Variants in PDCD2L observed in about 807,000 individuals in gnomAD.
PDCD2L encodes programmed cell death 2 like.
A neutral mutation model predicts 40.4 loss-of-function variants in PDCD2L; 44 were observed. That is an observed-to-expected ratio of 1.09 (90% CI 0.86 to 1.40). The LOEUF (loss-of-function observed/expected upper bound fraction) is 1.40. Among genes scored for constraint, PDCD2L ranks in the 40% most tolerant of loss-of-function variants. The pLI is 0.00. For missense variants in PDCD2L, 470 were observed against 453.7 expected (o/e 1.04, Z -0.33); for synonymous variants, 194 against 174.6 (o/e 1.11, Z -0.88).
intron 4 of PDCD2L, among the ~76,000 whole-genome samples, chr19:34,409,785 T>A (rs1386706515): frequency 2.0e-5 from 3 of 152,232 alleles, no homozygotes; most frequent in Admixed American, 2.0e-4. Flanking sequence ...TTTTCTTTTA[T>A]ATTTCTAATA....
chr19:34,413,958 A>C, intron 5 of PDCD2L, 111 bp downstream of exon 5: 1 of 659,164 alleles, frequency 1.5e-6, no homozygotes, highest in Non-Finnish European at 2.6e-6. Flanking sequence ...GTATTCCCCA[A>C]ACCAAGAGAG....
chr19:34,411,106 T>A (rs1054739097), intron 4 of PDCD2L, among the ~76,000 whole-genome samples: 3 of 151,088 alleles, frequency 2.0e-5, no homozygotes, highest in Non-Finnish European at 4.4e-5. Flanking sequence ...TTTAATTTCT[T>A]AAGTTTTTAT....
At chr19:34,414,566 T>G (rs1453043258) in intron 5 of PDCD2L, among the ~76,000 whole-genome samples, 2 of 137,332 alleles carry the variant, frequency 1.5e-5, no homozygotes, top group Non-Finnish European at 3.1e-5. Context: ...CATAGCTCAG[T>G]GCACCTTGAC....
intron 3 of PDCD2L, among the ~76,000 whole-genome samples, chr19:34,407,134 G>C (rs553141608): frequency 6.6e-6 from 1 of 151,952 alleles, no homozygotes; most frequent in African/African-American, 2.4e-5. Context: ...ACCATGCCCG[G>C]CTCACTCCAG....
At position 34,409,494 on chromosome 19, in the gene PDCD2L, C is replaced by A; in HGVS notation, c.670C>A (p.Gln224Lys). 1.2e-6 allele frequency: 2 copies of A among 1,613,638 alleles called. No homozygotes were observed. Among genetic ancestry groups the A allele is most frequent in the Non-Finnish European group, 1.7e-6 (2 of 1,179,788 alleles). The change falls in exon 4 of 7, where the codon CAG becomes AAG. Residue 224 changes from glutamine (Q) to lysine (K), a missense_variant. Physicochemically the swap from Gln to Lys is moderately conservative, Grantham distance 53. Transcript: ENST00000246535. ...YQQREGIAMD[Q>K]LLSQSLPNDG... Reference sequence around the variant, plus strand: ...GCAGAGAGAAGGCATTGCCATGGATCAGTTGCTTTCCCAAAGGTGAGGATG... The same window carrying A: ...GCAGAGAGAAGGCATTGCCATGGATAAGTTGCTTTCCCAAAGGTGAGGATG...
chr19:34,420,788 T>C (rs1336122870), intron 5 of PDCD2L, among the ~76,000 whole-genome samples: 1 of 80,024 alleles, frequency 1.2e-5, no homozygotes, highest in Non-Finnish European at 3.1e-5. Flanking sequence ...AAAGGCTTTA[T>C]CTAAAAAAAA....
rs557528933 is a variant in PDCD2L, at chr19:34,404,504, G to A, written c.74G>A (p.Gly25Asp). The A allele has an allele frequency of 7.1e-6, 11 of 1,542,860 alleles. No homozygotes were observed. Among genetic ancestry groups the A allele is most frequent in the South Asian group, 3.6e-5 (3 of 84,048 alleles). ...GTGCACGGCAGCCCCACAGGGCCGG[G>A]TGCCTGGACTGCTAGCAAGCTGGGC... ...APVHGSPTGP[G>D]AWTASKLGGI... is the part of the protein sequence containing the mutation. Residue 25 changes from glycine (G) to aspartate (D), a missense_variant, in exon 1 of 7, where the codon GGT becomes GAT. Gly to Asp is a moderately conservative substitution (Grantham distance 94). Transcript: ENST00000246535.
intron 5 of PDCD2L, 54 bp downstream of exon 5, chr19:34,413,901 T>C: frequency 8.7e-7 from 1 of 1,145,704 alleles, no homozygotes; most frequent in Non-Finnish European, 1.3e-6. Flanking sequence ...AAGGAATACA[T>C]ATTAGTTTGG....
chr19:34,410,206 C>G (rs2075095667), intron 4 of PDCD2L, among the ~76,000 whole-genome samples: 3 of 152,192 alleles, frequency 2.0e-5, no homozygotes, highest in Non-Finnish European at 2.9e-5. Context: ...CTCAGGCAAT[C>G]TATCTTAGTT....
chr19:34,409,932 C>G (rs563205752), intron 4 of PDCD2L, among the ~76,000 whole-genome samples: 79 of 152,098 alleles, frequency 5.2e-4, no homozygotes, highest in Admixed American at 3.1e-3. Context: ...CAGAACTGGC[C>G]CAGGACCTCA....
At chr19:34,424,341 T>C (rs12609608) in intron 6 of PDCD2L, among the ~76,000 whole-genome samples, 141 of 152,236 alleles carry the variant, frequency 9.3e-4, no homozygotes, top group East Asian at 8.9e-3. Context: ...GCAACCTCAG[T>C]TCTTGCCTCC....
intron 4 of PDCD2L, among the ~76,000 whole-genome samples, chr19:34,411,396 C>T (rs939046187): frequency 7.4e-5 from 11 of 149,542 alleles, no homozygotes; most frequent in African/African-American, 2.7e-4. Flanking sequence ...TGCGCCACTT[C>T]ACCCAGCTAA....
intron 4 of PDCD2L, among the ~76,000 whole-genome samples, chr19:34,413,379 G>A (rs908373008): frequency 7.3e-6 from 1 of 137,842 alleles, no homozygotes; most frequent in African/African-American, 2.7e-5. Flanking sequence ...TCACCAGGCT[G>A]GAGTGTAGTG....
chr19:34,416,217 G>A (rs1034090070), intron 5 of PDCD2L, among the ~76,000 whole-genome samples: 5 of 151,980 alleles, frequency 3.3e-5, no homozygotes, highest in African/African-American at 1.2e-4. Flanking sequence ...CACCATGCCC[G>A]GCCTAAGAAT....
chr19:34,405,034 G>T, intron 3 of PDCD2L, 44 bp downstream of exon 3: 1 of 1,607,166 alleles, frequency 6.2e-7, no homozygotes, highest in South Asian at 1.1e-5. Context: ...TGTCATTTGA[G>T]GATATTTTCC....
chr19:34,413,902 A>G (rs2075115637), intron 5 of PDCD2L, 55 bp downstream of exon 5: 1 of 1,136,096 alleles, frequency 8.8e-7, no homozygotes, highest in South Asian at 1.3e-5. Flanking sequence ...AGGAATACAT[A>G]TTAGTTTGGA....
chr19:34,425,687 G>A (rs117409377), intron 6 of PDCD2L, among the ~76,000 whole-genome samples: 2,226 of 152,184 alleles, frequency 0.015, 25 homozygotes, highest in South Asian at 0.025. Flanking sequence ...TATATCACAT[G>A]AACCATGTAG....
At chr19:34,405,587 G>A (rs2075070805) in intron 3 of PDCD2L, among the ~76,000 whole-genome samples, 1 of 151,866 alleles carries the variant, frequency 6.6e-6, no homozygotes. Flanking sequence ...GCTGAAGTGG[G>A]AGGATTGCTT....
chr19:34,424,249 G>T (rs2075165737), intron 6 of PDCD2L, among the ~76,000 whole-genome samples: 1 of 151,954 alleles, frequency 6.6e-6, no homozygotes, highest in Non-Finnish European at 1.5e-5. Flanking sequence ...AGAGGTATGA[G>T]GGTGGTCTGA....
Sources: gnomAD v4.1 joint callset for allele counts (sites outside exome capture counted in the v4.1 genomes callset) on GRCh38, gnomAD v4.1.1 for gene constraint, MANE v1.5 for transcripts, NCBI Gene and HGNC (gene_info 2026-07-23, HGNC 2026-07-21) for gene names.